Variants in COL4A2 observed in about 807,000 individuals in gnomAD.
The protein encoded by COL4A2 is collagen alpha-2(IV) chain.
COL4A2 carries 99 observed loss-of-function variants against 200.2 expected under a neutral mutation model. The observed-to-expected ratio is 0.49, with a 90% CI of 0.42 to 0.58. The LOEUF (loss-of-function observed/expected upper bound fraction) is 0.58, where lower values mean the gene tolerates loss of function less well. Ranked by LOEUF, COL4A2 falls within the 20% of genes least tolerant of loss-of-function variation. The pLI, the probability that COL4A2 is intolerant of heterozygous loss-of-function variation, is 0.00. For missense variants in COL4A2, 1,950 were observed against 2,314.1 expected (o/e 0.84, Z 3.23); for synonymous variants, 897 against 900.6 (o/e 1.00, Z 0.07).
intron 4 of COL4A2, among the ~76,000 whole-genome samples, chr13:110,409,069 C>T (rs1024986012): frequency 6.9e-6 from 1 of 145,488 alleles, no homozygotes; most frequent in Non-Finnish European, 1.5e-5. Flanking sequence ...TGCACACACA[C>T]GTACACACAT....
chr13:110,403,462 A>G (rs1266693366), intron 4 of COL4A2, among the ~76,000 whole-genome samples: 1 of 152,212 alleles, frequency 6.6e-6, no homozygotes, highest in Non-Finnish European at 1.5e-5. Context: ...CTGCTTTGTG[A>G]CAAGGATGGC....
intron 4 of COL4A2, among the ~76,000 whole-genome samples, chr13:110,419,765 C>T (rs1442280998): frequency 2.0e-5 from 3 of 152,206 alleles, no homozygotes; most frequent in East Asian, 1.9e-4. Context: ...GCAGCCCCCG[C>T]GCCCCGTCCT....
chr13:110,421,201 A>T (rs139107180), intron 4 of COL4A2, among the ~76,000 whole-genome samples: 178 of 152,302 alleles, frequency 1.2e-3, no homozygotes, highest in African/African-American at 4.1e-3. Flanking sequence ...CAAATATGTG[A>T]TACTCGTGCA....
At chr13:110,399,325 T>C (rs1879291592) in intron 4 of COL4A2, among the ~76,000 whole-genome samples, 1 of 152,126 alleles carries the variant, frequency 6.6e-6, no homozygotes, top group South Asian at 2.1e-4. Flanking sequence ...GAGATAACAT[T>C]CACAAAACAA....
In COL4A2 at chr13:110,501,551, T is replaced by C. The variant is rs1049314424; in HGVS notation, c.3761-117T>C. ...TTCCTTGGCCTGAGGGCACCTCCCA[T>C]CACTGTCTCGCTCGCTAGGCTCTGG... On this transcript the variant is annotated intron_variant, in intron 40 of 47. Coordinates refer to ENST00000360467, the MANE Select transcript of COL4A2 (RefSeq NM_001846.4). The C allele has an allele frequency of 3.7e-6, 3 of 805,204 alleles. No individual in the cohort carries two copies. In the South Asian group the frequency reaches 4.2e-5, roughly 11 times the overall value. The allele number at this position is 805,204 out of a possible 1,614,324, so 49.9% of individuals were successfully genotyped here.
intron 4 of COL4A2, among the ~76,000 whole-genome samples, chr13:110,386,977 T>C (rs1297084045): frequency 2.6e-5 from 4 of 152,300 alleles, no homozygotes; most frequent in East Asian, 3.9e-4. Flanking sequence ...CGGTGGCTCA[T>C]ACCTGTAATC....
intron 3 of COL4A2, among the ~76,000 whole-genome samples, chr13:110,357,167 A>G (rs968016733): frequency 6.6e-6 from 1 of 152,148 alleles, no homozygotes; most frequent in Non-Finnish European, 1.5e-5. Flanking sequence ...GGGCAGACTC[A>G]GCGATTGTAA....
chr13:110,503,887 C>A lies in COL4A2; in HGVS notation c.4179C>A (p.Ile1393=). 10 of 1,613,656 alleles carry A rather than the reference C, an allele frequency of 6.2e-6. No individual in the cohort carries two copies. Among genetic ancestry groups the A allele is most frequent in the South Asian group, 3.3e-5 (3 of 91,048 alleles). The change falls in exon 44 of 48, where the codon ATC becomes ATA. Residue 1393 remains isoleucine, a synonymous_variant. Coordinates refer to ENST00000360467, the MANE Select transcript of COL4A2 (RefSeq NM_001846.4). ...GTVGAPGIAG[I]PQKIAVQPGT... ...TGGGAGCCCCCGGGATTGCAGGAAT[C>A]CCCCAGAAGATTGCCGTCCAACCAG...
chr13:110,334,284 C>T (rs967604939), intron 3 of COL4A2, among the ~76,000 whole-genome samples: 10 of 152,146 alleles, frequency 6.6e-5, no homozygotes, highest in African/African-American at 2.4e-4. Flanking sequence ...TTTGTTTGTT[C>T]GTTCCTTTGT....
intron 4 of COL4A2, among the ~76,000 whole-genome samples, chr13:110,407,156 A>G (rs1279334878): frequency 1.3e-5 from 2 of 152,194 alleles, no homozygotes; most frequent in South Asian, 2.1e-4. Flanking sequence ...TGACCATGAA[A>G]CCAACCCTTC....
In COL4A2 at chr13:110,458,896, C is replaced by A; in HGVS notation, c.1558C>A (p.Pro520Thr). The A allele has an allele frequency of 5.0e-6, 8 of 1,597,856 alleles. No homozygotes were observed. The highest frequency in any genetic ancestry group is 1.4e-5 in the African/African-American group (1 of 74,018). ...GGGGAGGAAAGGGGACAGAGGAGAC[C>A]CCGGCCAACACGGCCTCCCTGGGTT... is the stretch of plus-strand genomic sequence containing the variant. The part of the protein sequence containing the change: ...EPGRKGDRGD[P>T]GQHGLPGFPG... Residue 520 changes from proline to threonine, a missense_variant, in exon 22 of 48, where the codon CCC (proline) becomes ACC (threonine). This residue lies in a region of COL4A2 where 1,385 missense variants were observed against 1,720.5 expected (regional missense o/e 0.80). Coordinates refer to ENST00000360467, the MANE Select transcript of COL4A2 (RefSeq NM_001846.4).
intron 29 of COL4A2, among the ~76,000 whole-genome samples, chr13:110,474,855 GATC>G (rs1882636006): frequency 1.0e-5 from 1 of 98,860 alleles, no homozygotes; most frequent in Non-Finnish European, 2.1e-5. Context: ...GCTCAAACAT[GATC>G]ACACACTCCA....
chr13:110,437,932 C>A (rs1055243011), intron 13 of COL4A2, 70 bp from the exon 14 acceptor site: 6 of 1,230,764 alleles, frequency 4.9e-6, no homozygotes, highest in Non-Finnish European at 7.2e-6. Context: ...ATGTCATGAA[C>A]CCTGATTGAT....
At chr13:110,436,102 C>T in intron 12 of COL4A2, 167 bp from the exon 13 acceptor site, 1 of 1,019,572 alleles carries the variant, frequency 9.8e-7, no homozygotes. Flanking sequence ...AAAAAACTTA[C>T]ATTAGGATTA....
chr13:110,361,377 G>T (rs957774713), intron 4 of COL4A2, among the ~76,000 whole-genome samples: 1 of 152,178 alleles, frequency 6.6e-6, no homozygotes, highest in Non-Finnish European at 1.5e-5. Context: ...TGCATAGTTT[G>T]TTCTTTCCCA....
chr13:110,495,123 T>C (rs1353353238), intron 39 of COL4A2, among the ~76,000 whole-genome samples: 1 of 152,130 alleles, frequency 6.6e-6, no homozygotes, highest in Non-Finnish European at 1.5e-5. Flanking sequence ...TCGATCCTCT[T>C]ATCCATAGAG....
At chr13:110,347,353 A>G (rs1211238952) in intron 3 of COL4A2, among the ~76,000 whole-genome samples, 1 of 152,192 alleles carries the variant, frequency 6.6e-6, no homozygotes, top group African/African-American at 2.4e-5. Flanking sequence ...GGGCTGAGTT[A>G]CATCACCAAA....
intron 40 of COL4A2, among the ~76,000 whole-genome samples, chr13:110,498,855 A>G (rs1470286524): frequency 6.6e-6 from 1 of 152,196 alleles, no homozygotes; most frequent in Non-Finnish European, 1.5e-5. Context: ...CTTGCATTCC[A>G]TCCCAGGGAC....
chr13:110,458,997 C>A (rs746033490), intron 22 of COL4A2, 63 bp downstream of exon 22: 11 of 1,429,794 alleles, frequency 7.7e-6, no homozygotes, highest in Non-Finnish European at 1.0e-5. Context: ...GTGTCCCGTT[C>A]TTGCCTTTTA....
Sources: gnomAD v4.1 joint callset for allele counts (sites outside exome capture counted in the v4.1 genomes callset) on GRCh38, gnomAD v4.1.1 for gene constraint, gnomAD v4.1.1 regional missense constraint, MANE v1.5 for transcripts, NCBI Gene and HGNC (gene_info 2026-07-23, HGNC 2026-07-21) for gene names.